Variants in HES7 observed in about 807,000 individuals in gnomAD.
The protein encoded by HES7 is hes family bHLH transcription factor 7.
Under a neutral mutation model 18.0 loss-of-function variants are expected in HES7, and 8 were observed. The observed-to-expected ratio is 0.45, with a 90% CI of 0.26 to 0.80. The LOEUF (loss-of-function observed/expected upper bound fraction) is 0.80, where lower values mean the gene tolerates loss of function less well. Ranked by LOEUF, HES7 falls within the 30% of genes least tolerant of loss-of-function variation. HES7 has a pLI of 0.18. For synonymous variants in HES7, 170 were observed against 158.6 expected, an observed-to-expected ratio of 1.07 and a Z score of -0.54; for missense variants, 356 against 340.9, an observed-to-expected ratio of 1.04 and a Z score of -0.35.
At position 8,122,566 on chromosome 17, in the gene HES7, C is replaced by T; in HGVS notation, c.139-136G>A. The T allele has an allele frequency of 1.5e-6, 1 of 685,314 alleles. No homozygotes were observed. Among genetic ancestry groups the T allele is most frequent in the South Asian group, 1.7e-5 (1 of 57,674 alleles). 42.5% of individuals were successfully genotyped at this position (685,314 alleles called of 1,614,324 possible). On this transcript the variant is annotated intron_variant, in intron 2 of 3. Transcript: ENST00000541682. This position sits in a 1 kb window ranked among gnomAD's most constrained non-coding sequence, Gnocchi z 6.9. Reference sequence around the variant, plus strand: ...GCATTTGCGCACTGCCCACAGAACGCGCGACCAAATGCGGAGTGGAGATGA... The same window carrying T: ...GCATTTGCGCACTGCCCACAGAACGTGCGACCAAATGCGGAGTGGAGATGA...
Position 8,122,159 on chromosome 17 carries a change from G to T in HES7, c.227-122C>A. ...ACAGAGACAGGAAGCCAGATGGACG[G>T]AAAGAGGGAGAAAATGAGGGAGACA... On this transcript the variant is annotated intron_variant, in intron 3 of 3. Transcript: ENST00000541682. This position sits in a 1 kb window ranked among gnomAD's most constrained non-coding sequence, Gnocchi z 6.9. 1.0e-6 allele frequency: 1 copy of T among 989,450 alleles called. No homozygotes were observed. The allele number at this position is 989,450 out of a possible 1,614,324, so 61.3% of individuals were successfully genotyped here.
At position 8,122,806 on chromosome 17, in the gene HES7, C is replaced by T. The variant is rs149527268; in HGVS notation, c.138+225G>A. The stretch of plus-strand genomic sequence containing the variant: ...GGGTGAAACTGACCGACCCCGGGAG[C>T]GAAATTTACAGAACCAGGCGTGAAA... On this transcript the variant is annotated intron_variant, in intron 2 of 3. Coordinates refer to ENST00000541682, the MANE Select transcript of HES7 (RefSeq NM_001165967.2). The surrounding 1 kb of genome is among the most constrained non-coding windows in gnomAD (Gnocchi z 6.9). Among the ~76,000 whole-genome samples, 26 of 152,174 alleles carry T rather than the reference C, an allele frequency of 1.7e-4. No individual in the cohort carries two copies. Among genetic ancestry groups the T allele is most frequent in the African/African-American group, 6.0e-4 (25 of 41,512 alleles).
In HES7 at chr17:8,122,249, C is replaced by G; in HGVS notation, c.226+94G>C. 2 of 1,160,470 alleles carry G rather than the reference C, an allele frequency of 1.7e-6. No individual in the cohort carries two copies. The highest frequency in any genetic ancestry group is 2.7e-4 in the Middle Eastern group (1 of 3,744). 71.9% of individuals were successfully genotyped at this position (1,160,470 alleles called of 1,614,324 possible). On this transcript the variant is annotated intron_variant, in intron 3 of 3. Coordinates refer to ENST00000541682, the MANE Select transcript of HES7 (RefSeq NM_001165967.2). This position sits in a 1 kb window ranked among gnomAD's most constrained non-coding sequence, Gnocchi z 6.9. ...GAGCAGAACCGGCCACTCCCCAAGC[C>G]CACCATCCACCGCAGGGCCCGCCCA... is the stretch of plus-strand genomic sequence containing the variant.
In HES7 at chr17:8,123,782, C is replaced by T. The variant is rs759764944; in HGVS notation, c.42+261G>A. Among the ~76,000 whole-genome samples the T allele has an allele frequency of 6.6e-6, 1 of 152,240 alleles. No individual in the cohort carries two copies. Among genetic ancestry groups the T allele is most frequent in the Non-Finnish European group, 1.5e-5 (1 of 68,050 alleles). ...TGCTTATTTTACTCCAACACCGGCC[C>T]CCTCCCCAGGCCACAAGGTGCCGAC... On this transcript the variant is annotated intron_variant, in intron 1 of 3. Coordinates refer to ENST00000541682, the MANE Select transcript of HES7 (RefSeq NM_001165967.2). This position sits in a 1 kb window ranked among gnomAD's most constrained non-coding sequence, Gnocchi z 5.9.
At position 8,121,494 on chromosome 17, in the gene HES7, C is replaced by T; in HGVS notation, c.*77G>A. 1 of 1,222,604 alleles carries T rather than the reference C, an allele frequency of 8.2e-7. No individual in the cohort carries two copies. The highest frequency in any genetic ancestry group is 1.6e-5 in the African/African-American group (1 of 63,778). 75.7% of individuals were successfully genotyped at this position (1,222,604 alleles called of 1,614,324 possible). A position where few individuals can be genotyped will look rare whatever the true frequency, so the allele number is the denominator to read the frequency against. On this transcript the variant is annotated 3_prime_UTR_variant, in exon 4 of 4. Transcript: ENST00000541682. ...CCTCCCCAACACCTGCTCGCCCGGA[C>T]GCCCGGGTCCCTCTGCTGCCCTCGG...
At position 8,123,980 on chromosome 17, in the gene HES7, C is replaced by T; in HGVS notation, c.42+63G>A. Reference sequence around the variant, plus strand: ...CCCCAGCCTCTCTCCAGACCGACGGCGTCAGGGGCCCAGTCCCCTAGCCAA... The same window carrying T: ...CCCCAGCCTCTCTCCAGACCGACGGTGTCAGGGGCCCAGTCCCCTAGCCAA... On this transcript the variant is annotated intron_variant, in intron 1 of 3. Transcript: ENST00000541682. The surrounding 1 kb of genome is among the most constrained non-coding windows in gnomAD (Gnocchi z 5.9). 1.3e-6 allele frequency: 2 copies of T among 1,574,754 alleles called. No homozygotes were observed. Among genetic ancestry groups the T allele is most frequent in the Non-Finnish European group, 1.7e-6 (2 of 1,147,072 alleles).
At position 8,123,294 on chromosome 17, in the gene HES7, C is replaced by T. The variant is rs963939706; in HGVS notation, c.43-168G>A. 4 of 627,846 alleles carry T rather than the reference C, an allele frequency of 6.4e-6. No individual in the cohort carries two copies. Among genetic ancestry groups the T allele is most frequent in the South Asian group, 3.5e-5 (2 of 57,666 alleles). 38.9% of individuals were successfully genotyped at this position (627,846 alleles called of 1,614,324 possible). ...TCCCTCTCCGCTCCCCCTCCCAATGCCCCTAGATCAGTTTCTGTAGCTCGC... is the reference window on the plus strand; with the variant it reads ...TCCCTCTCCGCTCCCCCTCCCAATGTCCCTAGATCAGTTTCTGTAGCTCGC... On this transcript the variant is annotated intron_variant, in intron 1 of 3. Coordinates refer to ENST00000541682, the MANE Select transcript of HES7 (RefSeq NM_001165967.2). This position sits in a 1 kb window ranked among gnomAD's most constrained non-coding sequence, Gnocchi z 5.9.
chr17:8,122,344 C>G lies in HES7; in HGVS notation c.225G>C (p.Pro75=), dbSNP rs747215611. Residue 75 remains proline, a splice_region_variant and synonymous_variant, in exon 3 of 4, where the codon CCG becomes CCC. Transcript: ENST00000541682. This position sits in a 1 kb window ranked among gnomAD's most constrained non-coding sequence, Gnocchi z 6.9. ...CGCTGCCCCACCCCCGCGCTGTACC[C>G]GGGGGCTCCACCCGGCTTCGCTCCC... ...YLRERSRVEP[P]AAAAPGVPRS... 2 of 1,587,404 alleles carry G rather than the reference C, an allele frequency of 1.3e-6. No homozygotes were observed. The highest frequency in any genetic ancestry group is 3.5e-5 in the Admixed American group (2 of 56,480).
At position 8,122,175 on chromosome 17, in the gene HES7, G is replaced by A; in HGVS notation, c.227-138C>T. On this transcript the variant is annotated intron_variant, in intron 3 of 3. Coordinates refer to ENST00000541682, the MANE Select transcript of HES7 (RefSeq NM_001165967.2). This position sits in a 1 kb window ranked among gnomAD's most constrained non-coding sequence, Gnocchi z 6.9. ...AGATGGACGGAAAGAGGGAGAAAAT[G>A]AGGGAGACACAGAGACAGACACGCG... 7 of 963,744 alleles carry A rather than the reference G, an allele frequency of 7.3e-6. No individual in the cohort carries two copies. Among genetic ancestry groups the A allele is most frequent in the Non-Finnish European group, 1.1e-5 (7 of 657,882 alleles). The allele number at this position is 963,744 out of a possible 1,614,324, so 59.7% of individuals were successfully genotyped here. A position where few individuals can be genotyped will look rare whatever the true frequency, so the allele number is the denominator to read the frequency against.
At chr17:8,125,477 C>A (rs969215915), upstream of HES7, among the ~76,000 whole-genome samples, 1 of 152,232 alleles carries the variant, frequency 6.6e-6, no homozygotes, top group Non-Finnish European at 1.5e-5. Flanking sequence ...CGCCCCCCTC[C>A]TTGGGAACCT....
chr17:8,126,494 C>CCT (rs1427859422), upstream of HES7, among the ~76,000 whole-genome samples: 4 of 152,210 alleles, frequency 2.6e-5, no homozygotes, highest in Non-Finnish European at 5.9e-5. Flanking sequence ...CCTGCCATCC[C>CCT]CTGGGAAGCT....
At position 8,121,655 on chromosome 17, in the gene HES7, C is replaced by G. The variant is rs1981330038; in HGVS notation, c.609G>C (p.Pro203=). The G allele has an allele frequency of 7.6e-7, 1 of 1,320,414 alleles. No homozygotes were observed. Among genetic ancestry groups the G allele is most frequent in the Non-Finnish European group, 9.6e-7 (1 of 1,042,832 alleles). 81.8% of individuals were successfully genotyped at this position (1,320,414 alleles called of 1,614,324 possible). A position where few individuals can be genotyped will look rare whatever the true frequency, so the allele number is the denominator to read the frequency against. ...CTTGTCTGTGAGGCGGCGGTGGCGG[C>G]GGCAGCAGTCCGGTGAGGGGCGCCG... is the stretch of plus-strand genomic sequence containing the variant. ...GAPAPLTGLL[P]PPPPPHRQDG... is the part of the protein sequence containing the mutation. Residue 203 remains proline (P), a synonymous_variant, in exon 4 of 4, where the codon CCG becomes CCC. Coordinates refer to ENST00000541682, the MANE Select transcript of HES7 (RefSeq NM_001165967.2).
Position 8,121,244 on chromosome 17 carries a change from C to G in HES7, c.*327G>C. ...CGTGGACGTCGAGATAAAGGCAGGC[C>G]CCTGGCTCGGGGACACACGGGGATT... On this transcript the variant is annotated 3_prime_UTR_variant, in exon 4 of 4. Coordinates refer to ENST00000541682, the MANE Select transcript of HES7 (RefSeq NM_001165967.2). 1 of 230,402 alleles carries G rather than the reference C, an allele frequency of 4.3e-6. No homozygotes were observed. The highest frequency in any genetic ancestry group is 8.4e-6 in the Non-Finnish European group (1 of 119,570). 14.3% of individuals were successfully genotyped at this position (230,402 alleles called of 1,614,324 possible).
Position 8,123,084 on chromosome 17 carries a change from T to A in HES7, c.85A>T (p.Asn29Tyr). 1 of 1,607,772 alleles carries A rather than the reference T, an allele frequency of 6.2e-7. No homozygotes were observed. Among genetic ancestry groups the A allele is most frequent in the Non-Finnish European group, 8.5e-7 (1 of 1,177,564 alleles). ...AGCCTCAGCTCTTCCAGGCTGCGGT[T>A]GATGCGGTCCCGGCGCCGCTTCTCC... is the stretch of plus-strand genomic sequence containing the variant. ...LVEKRRRDRI[N>Y]RSLEELRLLL... Residue 29 changes from asparagine to tyrosine, a missense_variant, in exon 2 of 4, where the codon AAC (asparagine) becomes TAC (tyrosine). Asn to Tyr is a moderately radical substitution (Grantham distance 143, BLOSUM62 -2). Coordinates refer to ENST00000541682, the MANE Select transcript of HES7 (RefSeq NM_001165967.2). The surrounding 1 kb of genome is among the most constrained non-coding windows in gnomAD (Gnocchi z 5.9).
rs766566795 is a variant in HES7 at position 8,121,456 on chromosome 17, C to G, written c.*115G>C. 2.4e-5 allele frequency: 20 copies of G among 825,416 alleles called. No homozygotes were observed. Among genetic ancestry groups the G allele is most frequent in the Non-Finnish European group, 3.1e-5 (19 of 610,484 alleles). The allele number at this position is 825,416 out of a possible 1,614,324, so 51.1% of individuals were successfully genotyped here. A position where few individuals can be genotyped will look rare whatever the true frequency, so the allele number is the denominator to read the frequency against. ...ACATCTCACCCGCGCGCTGAGCCCG[C>G]GCGCCCCACTGCCCTCCCCAACACC... On this transcript the variant is annotated 3_prime_UTR_variant, in exon 4 of 4. Coordinates refer to ENST00000541682, the MANE Select transcript of HES7 (RefSeq NM_001165967.2).
chr17:8,125,552 G>T (rs556680953), upstream of HES7, among the ~76,000 whole-genome samples: 186 of 152,344 alleles, frequency 1.2e-3, no homozygotes, highest in African/African-American at 4.2e-3. Flanking sequence ...TCGCACCCGG[G>T]TGTGGGGCCG....
In HES7 at chr17:8,123,905, G is replaced by C; in HGVS notation, c.42+138C>G. 2 of 959,696 alleles carry C rather than the reference G, an allele frequency of 2.1e-6. No homozygotes were observed. The highest frequency in any genetic ancestry group is 1.4e-5 in the South Asian group (1 of 72,270). The allele number at this position is 959,696 out of a possible 1,614,324, so 59.4% of individuals were successfully genotyped here. On this transcript the variant is annotated intron_variant, in intron 1 of 3. Transcript: ENST00000541682. The surrounding 1 kb of genome is among the most constrained non-coding windows in gnomAD (Gnocchi z 5.9). ...TTCATATTTTGCAGCTTCCTCTCCAGCTTCTGGCTCCTGGAGTTCTGGAGC... is the reference window on the plus strand; with the variant it reads ...TTCATATTTTGCAGCTTCCTCTCCACCTTCTGGCTCCTGGAGTTCTGGAGC...
Position 8,121,844 on chromosome 17 carries a change from C to A in HES7, c.420G>T (p.Pro140=). The A allele has an allele frequency of 6.4e-7, 1 of 1,571,594 alleles. No individual in the cohort carries two copies. Among genetic ancestry groups the A allele is most frequent in the South Asian group, 1.1e-5 (1 of 88,806 alleles). The change falls in exon 4 of 4, where the codon CCG becomes CCT. Residue 140 remains proline (P), a synonymous_variant. Transcript: ENST00000541682. ...GCGGCGCTGGAGGCCTCGGATCTAC[C>A]GGCTTGGGCCGGGGCGGTTTGGGGC... is the stretch of plus-strand genomic sequence containing the variant. ...YLRPKPPRPK[P]VDPRPPAPRP...
chr17:8,122,090 G>A lies in HES7; in HGVS notation c.227-53C>T. On this transcript the variant is annotated intron_variant, in intron 3 of 3. Transcript: ENST00000541682. The surrounding 1 kb of genome is among the most constrained non-coding windows in gnomAD (Gnocchi z 6.9). ...GGCAGGGCAGGGGCCCGGCAGGGGT[G>A]AGGGAAGGGGCGGGGCGCAGAGATA... 1 of 1,419,328 alleles carries A rather than the reference G, an allele frequency of 7.0e-7. No homozygotes were observed. Among genetic ancestry groups the A allele is most frequent in the African/African-American group, 1.5e-5 (1 of 68,146 alleles). 87.9% of individuals were successfully genotyped at this position (1,419,328 alleles called of 1,614,324 possible).
Sources: allele counts gnomAD v4.1 joint callset (sites outside exome capture counted in the v4.1 genomes callset), GRCh38; gene constraint gnomAD v4.1.1; non-coding constraint Gnocchi (gnomAD v3.1); transcripts MANE v1.5; gene names NCBI Gene and HGNC (gene_info 2026-07-23, HGNC 2026-07-21).